The following DLG2 variants were observed in gnomAD, a reference collection of about 807,000 sequenced individuals.
The protein encoded by DLG2 is disks large homolog 2.
A neutral mutation model predicts 132.5 loss-of-function variants in DLG2; 45 were observed. The observed-to-expected ratio is 0.34, with a 90% CI of 0.27 to 0.44. DLG2 has a LOEUF of 0.44. Among genes scored for constraint, DLG2 ranks in the 20% least tolerant of loss-of-function variants. DLG2 has a pLI of 1.00. For missense variants in DLG2, 1,045 were observed against 1,196.9 expected (o/e 0.87, Z 1.87); for synonymous variants, 424 against 419.6 (o/e 1.01, Z -0.13).
intron 15 of DLG2, among the ~76,000 whole-genome samples, chr11:83,883,059 A>G (rs879076883): frequency 6.6e-6 from 1 of 152,198 alleles, no homozygotes; most frequent in Admixed American, 6.5e-5. Context: ...TGTTTGTCCC[A>G]GCATGCTTGA....
chr11:85,051,283 G>C (rs1214071717), intron 6 of DLG2, among the ~76,000 whole-genome samples: 2 of 151,988 alleles, frequency 1.3e-5, no homozygotes, highest in Non-Finnish European at 2.9e-5. Context: ...AGTAAAAGCA[G>C]GCATGTTTAT....
At chr11:85,511,289 G>C (rs1464347711) in intron 3 of DLG2, among the ~76,000 whole-genome samples, 1 of 151,822 alleles carries the variant, frequency 6.6e-6, no homozygotes, top group East Asian at 1.9e-4. Context: ...GAGTTAATGG[G>C]TGCAGCATAC....
At chr11:84,220,355 T>A (rs532362528) in intron 8 of DLG2, among the ~76,000 whole-genome samples, 1 of 152,228 alleles carries the variant, frequency 6.6e-6, no homozygotes, top group Non-Finnish European at 1.5e-5. Context: ...TAATACTCAC[T>A]GCTTCACACA....
At chr11:84,036,864 T>G (rs930151446) in intron 11 of DLG2, among the ~76,000 whole-genome samples, 14 of 152,194 alleles carry the variant, frequency 9.2e-5, no homozygotes, top group African/African-American at 3.1e-4. Context: ...AAGAGAGCAA[T>G]CCAATTTCAT....
At chr11:84,727,537 A>C (rs895654129) in intron 6 of DLG2, among the ~76,000 whole-genome samples, 1 of 152,186 alleles carries the variant, frequency 6.6e-6, no homozygotes, top group Non-Finnish European at 1.5e-5. Flanking sequence ...TGATGCCTCC[A>C]GCTTTCTTCT....
In DLG2 at chr11:84,506,079, C is replaced by CTTTTTTTTTTTTTTTTTTTTTTTTTTTT. The variant is rs779039240; in HGVS notation, c.519+28490_519+28491insAAAAAAAAAAAAAAAAAAAAAAAAAAAA. 2.8e-4 allele frequency among the ~76,000 whole-genome samples: 30 copies of CTTTTTTTTTTTTTTTTTTTTTTTTTTTT among 107,026 alleles called. 7 individuals are homozygous for CTTTTTTTTTTTTTTTTTTTTTTTTTTTT. Among genetic ancestry groups the CTTTTTTTTTTTTTTTTTTTTTTTTTTTT allele is most frequent in the African/African-American group, 1.4e-3 (27 of 19,738 alleles). 70.2% of individuals were successfully genotyped at this position (107,026 alleles called of 152,430 possible). ...CTAATGTTATGACAGAGGCTCAGTT[C>CTTTTTTTTTTTTTTTTTTTTTTTTTTTT]TTTTTTTTTTTTTTGAGACGGAGTC... is the stretch of plus-strand genomic sequence containing the variant. On this transcript the variant is annotated intron_variant, in intron 7 of 27. Transcript: ENST00000376104.
chr11:84,311,669 T>G (rs1195643368), intron 7 of DLG2, among the ~76,000 whole-genome samples: 1 of 152,226 alleles, frequency 6.6e-6, no homozygotes, highest in Non-Finnish European at 1.5e-5. Context: ...TAACTGATGA[T>G]GAAGCATAAC....
intron 7 of DLG2, among the ~76,000 whole-genome samples, chr11:84,459,880 G>A (rs1449409928): frequency 6.6e-6 from 1 of 150,432 alleles, no homozygotes. Context: ...TTATAATTAA[G>A]TTGTCAGAAA....
At chr11:85,042,066 CCTAAAT>C (rs1489473565) in intron 6 of DLG2, among the ~76,000 whole-genome samples, 1 of 151,740 alleles carries the variant, frequency 6.6e-6, no homozygotes, top group Non-Finnish European at 1.5e-5. Context: ...CACTTTTACC[CCTAAAT>C]CTATCAAAAT....
At chr11:84,312,481 C>T (rs756555390) in intron 7 of DLG2, among the ~76,000 whole-genome samples, 4 of 152,060 alleles carry the variant, frequency 2.6e-5, no homozygotes, top group Admixed American at 2.0e-4. Context: ...TCAAAACACA[C>T]AAACAAACGA....
chr11:84,558,596 G>A (rs1160680443), intron 6 of DLG2, among the ~76,000 whole-genome samples: 1 of 151,976 alleles, frequency 6.6e-6, no homozygotes, highest in African/African-American at 2.4e-5. Context: ...TCTACAAACT[G>A]CCTTAAATCT....
intron 7 of DLG2, among the ~76,000 whole-genome samples, chr11:84,315,480 T>C (rs2098343682): frequency 6.6e-6 from 1 of 152,156 alleles, no homozygotes; most frequent in South Asian, 2.1e-4. Context: ...TTTAATGTAA[T>C]CAATACAGAG....
At chr11:84,437,117 A>T (rs187081754) in intron 7 of DLG2, among the ~76,000 whole-genome samples, 2 of 152,302 alleles carry the variant, frequency 1.3e-5, no homozygotes, top group Admixed American at 1.3e-4. Context: ...AATTTAAAGG[A>T]ATCTTAAGTC....
At chr11:83,778,753 T>G (rs891168777) in intron 18 of DLG2, among the ~76,000 whole-genome samples, 5 of 152,108 alleles carry the variant, frequency 3.3e-5, no homozygotes, top group Non-Finnish European at 7.4e-5. Flanking sequence ...GGGAGAGGTA[T>G]GCAGCATGAT....
chr11:84,855,281 A>T (rs1194638223), intron 6 of DLG2, among the ~76,000 whole-genome samples: 1 of 152,036 alleles, frequency 6.6e-6, no homozygotes, highest in African/African-American at 2.4e-5. Flanking sequence ...TGTGACTCCC[A>T]TTTTGCTTCA....
At chr11:84,613,315 G>A (rs572257660) in intron 6 of DLG2, among the ~76,000 whole-genome samples, 157 of 152,174 alleles carry the variant, frequency 1.0e-3, no homozygotes, top group Middle Eastern at 0.01. Flanking sequence ...GAGTCTCTGT[G>A]ATCTAAGTCA....
chr11:84,980,726 G>T (rs1212368996), intron 6 of DLG2, among the ~76,000 whole-genome samples: 2 of 152,182 alleles, frequency 1.3e-5, no homozygotes, highest in African/African-American at 4.8e-5. Flanking sequence ...AGTTTCTGGA[G>T]ATAAAAGCAT....
chr11:84,314,062 A>G (rs985728410), intron 7 of DLG2, among the ~76,000 whole-genome samples: 1 of 152,184 alleles, frequency 6.6e-6, no homozygotes, highest in Non-Finnish European at 1.5e-5. Flanking sequence ...TTTGGAAAAG[A>G]GCCTTAGGAG....
intron 7 of DLG2, among the ~76,000 whole-genome samples, chr11:84,329,269 G>A (rs1207632270): frequency 6.6e-6 from 1 of 152,240 alleles, no homozygotes; most frequent in Non-Finnish European, 1.5e-5. Context: ...CTTGGAAAAT[G>A]TGGGACTTTG....
Sources: allele counts gnomAD v4.1 joint callset (sites outside exome capture counted in the v4.1 genomes callset), GRCh38; gene constraint gnomAD v4.1.1; transcripts MANE v1.5; gene names NCBI Gene and HGNC (gene_info 2026-07-23, HGNC 2026-07-21).